Variants in POLR3E observed in about 807,000 individuals in gnomAD.
POLR3E encodes the protein DNA-directed RNA polymerase III subunit RPC5.
POLR3E carries 41 observed loss-of-function variants against 96.6 expected under a neutral mutation model. That is an observed-to-expected ratio of 0.42 (90% CI 0.33 to 0.55). The LOEUF (loss-of-function observed/expected upper bound fraction) is 0.55, where lower values mean the gene tolerates loss of function less well. POLR3E is among the 20% of genes least tolerant of loss of function. POLR3E has a pLI of 0.06. For missense variants in POLR3E, 849 were observed against 952.1 expected (o/e 0.89, Z 1.43); for synonymous variants, 396 against 383.6 (o/e 1.03, Z -0.38).
At chr16:22,314,004 C>G in intron 7 of POLR3E, 75 bp from the exon 8 acceptor site, 1 of 1,333,110 alleles carries the variant, frequency 7.5e-7, no homozygotes, top group Non-Finnish European at 1.1e-6. Flanking sequence ...CCTGAGGCTT[C>G]CCTGGCGGGT....
intron 13 of POLR3E, among the ~76,000 whole-genome samples, chr16:22,320,837 C>T (rs760364176): frequency 6.6e-6 from 1 of 152,140 alleles, no homozygotes; most frequent in East Asian, 1.9e-4. Flanking sequence ...TTCCTTTCCA[C>T]GCGTTGATAT....
At position 22,328,546 on chromosome 16, in the gene POLR3E, A is replaced by G; in HGVS notation, c.1903A>G (p.Lys635Glu). 1 of 1,614,050 alleles carries G rather than the reference A, an allele frequency of 6.2e-7. No individual in the cohort carries two copies. Among genetic ancestry groups the G allele is most frequent in the Non-Finnish European group, 8.5e-7 (1 of 1,179,974 alleles). Residue 635 changes from lysine to glutamate, a missense_variant, in exon 19 of 21, where the codon AAG (lysine) becomes GAG (glutamate). By Grantham distance (56) the Lys-to-Glu change is moderately conservative. Coordinates refer to ENST00000299853, the MANE Select transcript of POLR3E (RefSeq NM_018119.4). The part of the protein sequence containing the change: ...PQTAASPDEQ[K>E]VFALWESGDM... ...GACTGCTGCTTCCCCGGATGAGCAG[A>G]AGGTGTTTGCCCTCTGGGAGTCTGG...
chr16:22,308,098 C>G (rs376046474), intron 3 of POLR3E, 50 bp from the exon 4 acceptor site: 40 of 1,410,204 alleles, frequency 2.8e-5, no homozygotes, highest in Non-Finnish European at 3.6e-5. Flanking sequence ...GGGCCCAGCT[C>G]TGGGCATGGC....
chr16:22,317,224 G>A lies in POLR3E; in HGVS notation c.865+18G>A. On this transcript the variant is annotated intron_variant, in intron 12 of 20. Coordinates refer to ENST00000299853, the MANE Select transcript of POLR3E (RefSeq NM_018119.4). ...GAAGAATGGTGGGTGCCTACCCCCT[G>A]CCCACCCGGGGGCCCCAGTCCCAGT... 1 of 1,594,556 alleles carries A rather than the reference G, an allele frequency of 6.3e-7. No homozygotes were observed. Among genetic ancestry groups the A allele is most frequent in the South Asian group, 1.1e-5 (1 of 90,756 alleles).
At chr16:22,332,913 G>GT (rs1289933359) in intron 20 of POLR3E, among the ~76,000 whole-genome samples, 1 of 136,428 alleles carries the variant, frequency 7.3e-6, no homozygotes, top group East Asian at 2.3e-4. Context: ...AAGTAATACT[G>GT]TTTTTTAAGC....
rs1403794021 is a variant in POLR3E, at chr16:22,313,251, C to A, written c.365-369C>A. ...TGTGGGGCGGGACAGTAAGGCTGAG[C>A]TGGCCGAGGCCTGGAGGGTAAACAG... On this transcript the variant is annotated intron_variant, in intron 6 of 20. Coordinates refer to ENST00000299853, the MANE Select transcript of POLR3E (RefSeq NM_018119.4). This position sits in a 1 kb window ranked among gnomAD's most constrained non-coding sequence, Gnocchi z 4.1. 3.3e-5 allele frequency among the ~76,000 whole-genome samples: 5 copies of A among 152,266 alleles called. No homozygotes were observed. Among genetic ancestry groups the A allele is most frequent in the Non-Finnish European group, 7.4e-5 (5 of 68,014 alleles).
chr16:22,300,542 T>G (rs934089708), intron 1 of POLR3E, among the ~76,000 whole-genome samples: 2 of 152,204 alleles, frequency 1.3e-5, no homozygotes, highest in African/African-American at 4.8e-5. Context: ...CCCCAGCCTC[T>G]CAGTTGTCCA....
Position 22,319,061 on chromosome 16 carries a change from C to A in POLR3E, c.986+115C>A, listed in dbSNP as rs1022035245. 8.8e-6 allele frequency: 6 copies of A among 685,456 alleles called. No individual in the cohort carries two copies. In the African/African-American group the frequency reaches 1.1e-4, roughly 12 times the overall value. 42.5% of individuals were successfully genotyped at this position (685,456 alleles called of 1,614,324 possible). On this transcript the variant is annotated intron_variant, in intron 13 of 20. Coordinates refer to ENST00000299853, the MANE Select transcript of POLR3E (RefSeq NM_018119.4). ...GCAATCTCGGCTCACTGTAACTTCTCCCTCCCAGGTCCAAGCAACTCTCCT... is the reference window on the plus strand; with the variant it reads ...GCAATCTCGGCTCACTGTAACTTCTACCTCCCAGGTCCAAGCAACTCTCCT...
chr16:22,319,736 T>C (rs1257816475), intron 13 of POLR3E, among the ~76,000 whole-genome samples: 1 of 152,142 alleles, frequency 6.6e-6, no homozygotes, highest in Non-Finnish European at 1.5e-5. Context: ...ATAATGTACA[T>C]ATTTATGGGG....
chr16:22,319,461 C>T (rs1432288932), intron 13 of POLR3E, among the ~76,000 whole-genome samples: 1 of 151,162 alleles, frequency 6.6e-6, no homozygotes, highest in African/African-American at 2.4e-5. Flanking sequence ...TGCAGTGGTG[C>T]GATCTCGGCT....
Position 22,313,878 on chromosome 16 carries a change from A to G in POLR3E, c.472+151A>G, listed in dbSNP as rs2048299369. ...CAGAAGCACCCACCCCACAGTCGTG[A>G]CAATCAAAAAGGTCACATTGCCCAG... On this transcript the variant is annotated intron_variant, in intron 7 of 20. Coordinates refer to ENST00000299853, the MANE Select transcript of POLR3E (RefSeq NM_018119.4). This position sits in a 1 kb window ranked among gnomAD's most constrained non-coding sequence, Gnocchi z 4.1. 2.8e-6 allele frequency: 2 copies of G among 702,710 alleles called. No individual in the cohort carries two copies. The highest frequency in any genetic ancestry group is 4.6e-5 in the Admixed American group (2 of 43,120). 43.5% of individuals were successfully genotyped at this position (702,710 alleles called of 1,614,324 possible).
chr16:22,308,126 A>C, intron 3 of POLR3E, 22 bp from the exon 4 acceptor site: 1 of 1,599,716 alleles, frequency 6.3e-7, no homozygotes, highest in South Asian at 1.1e-5. Flanking sequence ...AGTGGACTTA[A>C]TGGCTCCCTT....
chr16:22,322,815 A>G lies in POLR3E; in HGVS notation c.987-35A>G, dbSNP rs1220834474. 4.7e-6 allele frequency: 7 copies of G among 1,479,834 alleles called. No homozygotes were observed. Among genetic ancestry groups the G allele is most frequent in the African/African-American group, 4.2e-5 (3 of 72,210 alleles). 91.7% of individuals were successfully genotyped at this position (1,479,834 alleles called of 1,614,324 possible). A position where few individuals can be genotyped will look rare whatever the true frequency, so the allele number is the denominator to read the frequency against. On this transcript the variant is annotated intron_variant, in intron 13 of 20. Transcript: ENST00000299853. The surrounding 1 kb of genome is among the most constrained non-coding windows in gnomAD (Gnocchi z 5.2). ...GGTAGCGGTAGAGGGGGCTCAGGGC[A>G]GGGACTGACCTGCCATCCTCACCTG...
intron 1 of POLR3E, chr16:22,298,896 G>T (rs1344125408): frequency 4.6e-6 from 2 of 438,954 alleles, no homozygotes; most frequent in African/African-American, 2.0e-5. Context: ...TTTTTTTAAA[G>T]TAATGCTCCC....
rs1286932834 is a variant in POLR3E, at chr16:22,334,235, GACA to G, written c.*541_*543del. Reference sequence around the variant, plus strand: ...GGGATTCTGTGGCCACTTCACCTTTGACAACAACCTACTTTATGTAGCAGTCTC... The same window carrying G: ...GGGATTCTGTGGCCACTTCACCTTTGACAACCTACTTTATGTAGCAGTCTC... On this transcript the variant is annotated 3_prime_UTR_variant, in exon 21 of 21. Transcript: ENST00000299853. The G allele has an allele frequency of 2.0e-5, 3 of 152,226 alleles. No individual in the cohort carries two copies. The highest frequency in any genetic ancestry group is 7.2e-5 in the African/African-American group (3 of 41,412). 9.4% of individuals were successfully genotyped at this position (152,226 alleles called of 1,614,324 possible).
chr16:22,325,421 C>G, intron 17 of POLR3E, 155 bp downstream of exon 17: 1 of 690,708 alleles, frequency 1.4e-6, no homozygotes. Flanking sequence ...ACCCACAGAC[C>G]GCAGCTGGTC....
chr16:22,323,242 C>T (rs3803647), intron 14 of POLR3E, among the ~76,000 whole-genome samples: 2,599 of 152,200 alleles, frequency 0.017, 96 homozygotes, highest in East Asian at 0.1. Context: ...TAAAAAAAAT[C>T]TTGATGCTAG....
chr16:22,309,261 T>C, intron 5 of POLR3E, 167 bp from the exon 6 acceptor site: 1 of 711,578 alleles, frequency 1.4e-6, no homozygotes, highest in South Asian at 1.6e-5. Flanking sequence ...AGGCCATGGG[T>C]TTTCTCATCC....
intron 2 of POLR3E, among the ~76,000 whole-genome samples, chr16:22,303,639 CTTTTTTTTT>C (rs58949663): frequency 8.8e-6 from 1 of 114,276 alleles, no homozygotes; most frequent in African/African-American, 4.8e-5. Flanking sequence ...GCAGATTTCC[CTTTTTTTTT>C]TTTTTTTTTG....
Sources: allele counts gnomAD v4.1 joint callset (sites outside exome capture counted in the v4.1 genomes callset), GRCh38; gene constraint gnomAD v4.1.1; non-coding constraint Gnocchi (gnomAD v3.1); transcripts MANE v1.5; gene names NCBI Gene and HGNC (gene_info 2026-07-23, HGNC 2026-07-21).